HCFC2: variants seen among roughly 807,000 people sequenced by gnomAD.
HCFC2 encodes host cell factor C2, also known as host cell factor 2.
A neutral mutation model predicts 89.2 loss-of-function variants in HCFC2; 18 were observed. The observed-to-expected ratio is 0.20, with a 90% CI of 0.14 to 0.30. HCFC2 has a LOEUF of 0.30. Among genes scored for constraint, HCFC2 ranks in the 10% least tolerant of loss-of-function variants. HCFC2 has a pLI of 1.00. For synonymous variants in HCFC2, 308 were observed against 335.7 expected (o/e 0.92, Z 0.90); for missense variants, 578 against 956.1 (o/e 0.60, Z 5.21).
chr12:104,076,117 G>A (rs976587648), intron 3 of HCFC2, among the ~76,000 whole-genome samples: 6 of 152,140 alleles, frequency 3.9e-5, no homozygotes, highest in Admixed American at 2.6e-4. Flanking sequence ...TGTGTACAAG[G>A]TTCTTTGTCT....
At chr12:104,079,106 C>T (rs1883600412) in intron 3 of HCFC2, among the ~76,000 whole-genome samples, 1 of 152,246 alleles carries the variant, frequency 6.6e-6, no homozygotes, top group South Asian at 2.1e-4. Context: ...GGAACATAGA[C>T]CCAACTTCCT....
Position 104,066,267 on chromosome 12 carries a change from G to C in HCFC2, c.264G>C (p.Gly88=), listed in dbSNP as rs772892790. The C allele has an allele frequency of 8.1e-6, 13 of 1,610,722 alleles. No individual in the cohort carries two copies. In the South Asian group the frequency reaches 1.4e-4, roughly 18 times the overall value. The change falls in exon 2 of 15, where the codon GGG becomes GGC. Residue 88 remains glycine (G), a synonymous_variant. Coordinates refer to ENST00000229330, the MANE Select transcript of HCFC2 (RefSeq NM_013320.3). ...VCDGTRILVF[G]GMVEYGRYSN... The stretch of plus-strand genomic sequence containing the variant: ...ATGGTACCAGAATATTAGTATTTGG[G>C]GGAATGGTTGAATATGGAAGATACA...
chr12:104,098,561 G>GA (rs1284802227), intron 13 of HCFC2, 81 bp downstream of exon 13: 578 of 1,342,128 alleles, frequency 4.3e-4, no homozygotes, highest in South Asian at 7.3e-4. Context: ...TTAGGGAAAG[G>GA]AAAAAAAAAT....
intron 4 of HCFC2, 66 bp downstream of exon 4, chr12:104,079,719 G>T (rs1883622000): frequency 2.5e-6 from 3 of 1,199,714 alleles, no homozygotes; most frequent in Non-Finnish European, 2.5e-6. Context: ...AAATATTATT[G>T]ATTGCAGTAT....
At chr12:104,093,596 T>C in intron 10 of HCFC2, 33 bp downstream of exon 10, 15 of 1,536,348 alleles carry the variant, frequency 9.8e-6, no homozygotes, top group Non-Finnish European at 1.3e-5. Context: ...TAAAGCTTTT[T>C]ATAAAATCGG....
chr12:104,101,483 C>CAA (rs750210384), intron 13 of HCFC2, among the ~76,000 whole-genome samples: 3 of 120,812 alleles, frequency 2.5e-5, no homozygotes. Flanking sequence ...ACTCCGTCTC[C>CAA]AAAAAAAAAA....
intron 7 of HCFC2, among the ~76,000 whole-genome samples, chr12:104,086,092 G>A (rs1021692762): frequency 2.7e-5 from 4 of 148,804 alleles, no homozygotes; most frequent in African/African-American, 9.9e-5. Context: ...CCACCTCCCA[G>A]ATTCAAGTGA....
At chr12:104,075,578 C>G (rs183916942) in intron 3 of HCFC2, among the ~76,000 whole-genome samples, 4 of 151,700 alleles carry the variant, frequency 2.6e-5, no homozygotes, top group African/African-American at 9.7e-5. Context: ...CCCACCTCAG[C>G]CTTCTGAGTA....
chr12:104,085,918 G>A (rs929942011), intron 7 of HCFC2, among the ~76,000 whole-genome samples: 68 of 141,288 alleles, frequency 4.8e-4, no homozygotes, highest in Admixed American at 4.4e-3. Context: ...TTACTTTGAT[G>A]TATTTTTTTT....
chr12:104,068,749 T>C lies in HCFC2; in HGVS notation c.473+642T>C, dbSNP rs1364316441. On this transcript the variant is annotated intron_variant, in intron 3 of 14. Transcript: ENST00000229330. This position sits in a 1 kb window ranked among gnomAD's most constrained non-coding sequence, Gnocchi z 4.1. Reference sequence around the variant, plus strand: ...ACAGGGTGTAGTTTGCTGGCACAGATTGTAAATAATGGGGCTATCTACATT... The same window carrying C: ...ACAGGGTGTAGTTTGCTGGCACAGACTGTAAATAATGGGGCTATCTACATT... Among the ~76,000 whole-genome samples, 2 of 152,318 alleles carry C rather than the reference T, an allele frequency of 1.3e-5. No individual in the cohort carries two copies. Among genetic ancestry groups the C allele is most frequent in the South Asian group, 2.1e-4 (1 of 4,824 alleles).
At chr12:104,102,922 A>G in intron 14 of HCFC2, 37 bp from the exon 15 acceptor site, 1 of 1,533,750 alleles carries the variant, frequency 6.5e-7, no homozygotes, top group Non-Finnish European at 8.9e-7. Flanking sequence ...GAGGAAACTT[A>G]AGAACCTTTA....
chr12:104,101,282 G>A (rs1178513537), intron 13 of HCFC2, among the ~76,000 whole-genome samples: 3 of 152,132 alleles, frequency 2.0e-5, no homozygotes, highest in South Asian at 2.1e-4. Flanking sequence ...TCAGGAGTTC[G>A]AGACCAGCCT....
intron 3 of HCFC2, among the ~76,000 whole-genome samples, chr12:104,075,699 GTCC>G (rs1883472883): frequency 6.6e-6 from 1 of 152,070 alleles, no homozygotes; most frequent in Non-Finnish European, 1.5e-5. Flanking sequence ...GCCTCAAGCA[GTCC>G]TCCTACCTCA....
At chr12:104,075,546 A>G (rs1430623274) in intron 3 of HCFC2, among the ~76,000 whole-genome samples, 2 of 146,660 alleles carry the variant, frequency 1.4e-5, no homozygotes, top group East Asian at 4.0e-4. Context: ...GCAGCCTTGA[A>G]CTCTTGGGTT....
At chr12:104,070,950 G>A (rs993826322) in intron 3 of HCFC2, among the ~76,000 whole-genome samples, 7 of 151,840 alleles carry the variant, frequency 4.6e-5, no homozygotes, top group African/African-American at 1.5e-4. Flanking sequence ...GACTACAGGC[G>A]TCTGCCACCA....
intron 3 of HCFC2, among the ~76,000 whole-genome samples, chr12:104,072,479 G>A (rs765429101): frequency 1.9e-4 from 29 of 151,748 alleles, no homozygotes; most frequent in Admixed American, 6.6e-4. Context: ...AATAATATTG[G>A]GTCTGCCAAT....
intron 9 of HCFC2, among the ~76,000 whole-genome samples, chr12:104,091,923 A>T (rs964344527): frequency 6.6e-6 from 1 of 152,224 alleles, no homozygotes; most frequent in Admixed American, 6.5e-5. Context: ...TATCATTATC[A>T]TCATCACTTA....
intron 2 of HCFC2, among the ~76,000 whole-genome samples, chr12:104,067,437 T>C (rs150540639): frequency 6.6e-6 from 1 of 152,348 alleles, no homozygotes; most frequent in African/African-American, 2.4e-5. Context: ...TATCTGCTAA[T>C]TGGCAGATGT....
At position 104,080,941 on chromosome 12, in the gene HCFC2, A is replaced by G; in HGVS notation, c.767+111A>G. 6 of 659,324 alleles carry G rather than the reference A, an allele frequency of 9.1e-6. No homozygotes were observed. In the South Asian group the frequency reaches 1.2e-4, roughly 13 times the overall value. 40.8% of individuals were successfully genotyped at this position (659,324 alleles called of 1,614,324 possible). A position where few individuals can be genotyped will look rare whatever the true frequency, so the allele number is the denominator to read the frequency against. On this transcript the variant is annotated intron_variant, in intron 5 of 14. Coordinates refer to ENST00000229330, the MANE Select transcript of HCFC2 (RefSeq NM_013320.3). ...TTGGAAATAGATTATGAAACTTAAC[A>G]AAGTTTGATTGTGCTGACTGAAGCT... is the stretch of plus-strand genomic sequence containing the variant.
Sources: allele counts gnomAD v4.1 joint callset (sites outside exome capture counted in the v4.1 genomes callset), GRCh38; gene constraint gnomAD v4.1.1; non-coding constraint Gnocchi (gnomAD v3.1); transcripts MANE v1.5; gene names NCBI Gene and HGNC (gene_info 2026-07-23, HGNC 2026-07-21).